LOC400499: variants seen among roughly 807,000 people sequenced by gnomAD.
At chr16:11,474,143 G>A in the LOC400499 span, among the ~76,000 whole-genome samples, 2 of 152,352 alleles carry the variant, frequency 1.3e-5, no homozygotes, top group South Asian at 2.1e-4. Flanking sequence ...ACAGGCGTGA[G>A]CTATCCGCCG....
chr16:11,389,264 C>T, the LOC400499 span, among the ~76,000 whole-genome samples: 1 of 152,376 alleles, frequency 6.6e-6, no homozygotes, highest in Admixed American at 6.5e-5. Context: ...ACCGATGTTC[C>T]TTCTCTAGCA....
chr16:11,409,970 G>C, the LOC400499 span, among the ~76,000 whole-genome samples: 2 of 152,120 alleles, frequency 1.3e-5, no homozygotes, highest in African/African-American at 4.8e-5. Flanking sequence ...ATAAAACTTG[G>C]GAAAAAACTA....
At chr16:11,464,718 G>C in the LOC400499 span, among the ~76,000 whole-genome samples, 1 of 152,224 alleles carries the variant, frequency 6.6e-6, no homozygotes, top group East Asian at 1.9e-4. Context: ...AGTTCCGGCT[G>C]TTACTGTAAT....
At chr16:11,459,052 T>TAAAA in the LOC400499 span, among the ~76,000 whole-genome samples, 1 of 150,728 alleles carries the variant, frequency 6.6e-6, no homozygotes, top group African/African-American at 2.4e-5. Context: ...AAATAAAAAA[T>TAAAA]AAAATAAATA....
the LOC400499 span, among the ~76,000 whole-genome samples, chr16:11,451,643 GAATT>G: frequency 6.6e-6 from 1 of 152,236 alleles, no homozygotes; most frequent in East Asian, 1.9e-4. Context: ...AATAAAGAAG[GAATT>G]TGATAAAAAT....
At chr16:11,423,978 C>T in the LOC400499 span, 2,228 of 398,206 alleles carry the variant, frequency 5.6e-3, 36 homozygotes, top group African/African-American at 0.041. Context: ...CGGAGCTGCT[C>T]GCCATCCAAG....
the LOC400499 span, among the ~76,000 whole-genome samples, chr16:11,418,242 C>A: frequency 6.6e-6 from 1 of 152,180 alleles, no homozygotes; most frequent in Non-Finnish European, 1.5e-5. Context: ...GCATTTGAAC[C>A]AGAGCAACTC....
At chr16:11,515,749 G>GGGAGGAGGAGGAGGAAAAA in the LOC400499 span, among the ~76,000 whole-genome samples, 1 of 150,140 alleles carries the variant, frequency 6.7e-6, no homozygotes, top group Non-Finnish European at 1.5e-5. Flanking sequence ...AGGAGGAAAA[G>GGGAGGAGGAGGAGGAAAAA]GGAGGAGGAG....
chr16:11,428,465 C>A, the LOC400499 span, among the ~76,000 whole-genome samples: 1 of 152,128 alleles, frequency 6.6e-6, no homozygotes, highest in African/African-American at 2.4e-5. Context: ...TGAGCCACCG[C>A]GGCCGGCCCA....
At chr16:11,400,028 A>G in the LOC400499 span, among the ~76,000 whole-genome samples, 1 of 150,222 alleles carries the variant, frequency 6.7e-6, no homozygotes, top group Non-Finnish European at 1.5e-5. Flanking sequence ...GCTCAGAGCC[A>G]TTCCCAGGCT....
At chr16:11,397,788 A>AT in the LOC400499 span, among the ~76,000 whole-genome samples, 58 of 12,068 alleles carry the variant, frequency 4.8e-3, no homozygotes, top group African/African-American at 9.6e-3. Context: ...GGAGGGAGGG[A>AT]GGGAGGGAGG....
At chr16:11,499,305 G>A in the LOC400499 span, among the ~76,000 whole-genome samples, 2 of 17,704 alleles carry the variant, frequency 1.1e-4, 1 homozygote, top group Non-Finnish European at 3.2e-4. Flanking sequence ...GCAGAGGGGA[G>A]GGGGGAAGGG....
chr16:11,491,828 A>G, the LOC400499 span: 1 of 398,754 alleles, frequency 2.5e-6, no homozygotes, highest in African/African-American at 2.1e-5. Context: ...ATTGGTATAG[A>G]CGGGAGAGCA....
the LOC400499 span, among the ~76,000 whole-genome samples, chr16:11,482,701 G>C: frequency 1.3e-5 from 2 of 151,926 alleles, no homozygotes; most frequent in East Asian, 3.9e-4. Flanking sequence ...GATCAGCCTG[G>C]GCAACACAGT....
At chr16:11,428,328 C>T in the LOC400499 span, among the ~76,000 whole-genome samples, 12 of 152,124 alleles carry the variant, frequency 7.9e-5, no homozygotes, top group African/African-American at 2.4e-4. Context: ...TGTGCCACCA[C>T]GCCTGGCTAA....
chr16:11,481,863 G>A, the LOC400499 span, among the ~76,000 whole-genome samples: 2 of 151,134 alleles, frequency 1.3e-5, no homozygotes, highest in African/African-American at 2.4e-5. Flanking sequence ...TTGAACTCTT[G>A]AGCTCAAGTT....
chr16:11,441,419 T>G, the LOC400499 span, among the ~76,000 whole-genome samples: 1 of 152,278 alleles, frequency 6.6e-6, no homozygotes, highest in East Asian at 1.9e-4. Flanking sequence ...CAATAAATAT[T>G]TGGACAAATG....
the LOC400499 span, chr16:11,384,034 G>A: frequency 8.1e-7 from 1 of 1,231,814 alleles, no homozygotes; most frequent in South Asian, 4.1e-5. Context: ...CAAGACTCAG[G>A]CCTCCTGCTG....
At chr16:11,512,961 G>T in the LOC400499 span, among the ~76,000 whole-genome samples, 2 of 152,198 alleles carry the variant, frequency 1.3e-5, no homozygotes, top group African/African-American at 4.8e-5. Context: ...GGTGCCGGGA[G>T]CCTGCCCTCC....
Sources: gnomAD v4.1 joint callset for allele counts (sites outside exome capture counted in the v4.1 genomes callset) on GRCh38, gnomAD v4.1.1 for gene constraint, MANE v1.5 for transcripts.